The following YTHDC2 variants were observed in gnomAD, a reference collection of about 807,000 sequenced individuals.
YTHDC2 encodes the protein YTH N6-methyladenosine RNA binding protein C2.
A neutral mutation model predicts 174.9 loss-of-function variants in YTHDC2; 45 were observed. That is an observed-to-expected ratio of 0.26 (90% CI 0.20 to 0.33). The LOEUF (loss-of-function observed/expected upper bound fraction) is 0.33. YTHDC2 is among the 10% of genes least tolerant of loss of function. The probability of loss-of-function intolerance (pLI) is 1.00; values close to 1 mark genes in which losing one functional copy is unlikely to be tolerated. For synonymous variants in YTHDC2, 657 were observed against 574.5 expected (o/e 1.14, Z -2.05); for missense variants, 1,650 against 1,723.7 (o/e 0.96, Z 0.76).
intron 25 of YTHDC2, 104 bp from the exon 26 acceptor site, chr5:113,584,198 T>C: frequency 1.1e-6 from 1 of 896,918 alleles, no homozygotes; most frequent in Non-Finnish European, 1.6e-6. Flanking sequence ...ATTGGGACTT[T>C]GGATTGAAAT....
intron 4 of YTHDC2, among the ~76,000 whole-genome samples, chr5:113,532,191 A>G (rs1046025899): frequency 2.0e-5 from 3 of 152,228 alleles, no homozygotes; most frequent in Non-Finnish European, 4.4e-5. Context: ...GAAAACTGCA[A>G]ATTACGGACA....
intron 8 of YTHDC2, among the ~76,000 whole-genome samples, chr5:113,539,668 T>C (rs1006972339): frequency 2.6e-5 from 4 of 152,244 alleles, no homozygotes; most frequent in African/African-American, 9.6e-5. Context: ...TTTCAGCTTT[T>C]GAATTAGGGT....
chr5:113,549,030 T>C lies in YTHDC2; in HGVS notation c.1688+10T>C. ...TTCTAGAATCTTACAGGTAAAACTTTGTACTATTTTAAATTAATTCTACCG... is the reference window on the plus strand; with the variant it reads ...TTCTAGAATCTTACAGGTAAAACTTCGTACTATTTTAAATTAATTCTACCG... On this transcript the variant is annotated intron_variant, in intron 12 of 29. Coordinates refer to ENST00000161863, the MANE Select transcript of YTHDC2 (RefSeq NM_022828.5). 6.2e-7 allele frequency: 1 copy of C among 1,605,406 alleles called. No individual in the cohort carries two copies. The highest frequency in any genetic ancestry group is 8.5e-7 in the Non-Finnish European group (1 of 1,173,474).
At chr5:113,549,491 G>A (rs1161777981) in intron 12 of YTHDC2, among the ~76,000 whole-genome samples, 1 of 152,084 alleles carries the variant, frequency 6.6e-6, no homozygotes, top group Non-Finnish European at 1.5e-5. Context: ...TTAGAGGCTT[G>A]TTCAGTGGCC....
chr5:113,586,677 T>C (rs1778696604), intron 26 of YTHDC2, among the ~76,000 whole-genome samples: 1 of 151,210 alleles, frequency 6.6e-6, no homozygotes, highest in African/African-American at 2.4e-5. Context: ...AAGTTAATTT[T>C]CGTTTATAGT....
At chr5:113,524,288 T>C (rs533362106) in intron 2 of YTHDC2, among the ~76,000 whole-genome samples, 1 of 152,210 alleles carries the variant, frequency 6.6e-6, no homozygotes, top group African/African-American at 2.4e-5. Flanking sequence ...TACCTACTAC[T>C]CTTAGAGCCG....
At chr5:113,578,799 A>G (rs996599101) in intron 23 of YTHDC2, among the ~76,000 whole-genome samples, 1 of 152,088 alleles carries the variant, frequency 6.6e-6, no homozygotes, top group African/African-American at 2.4e-5. Context: ...TTCTTTAAGG[A>G]TATCTCTGAT....
At chr5:113,551,932 G>T (rs761058151) in intron 12 of YTHDC2, among the ~76,000 whole-genome samples, 1 of 152,084 alleles carries the variant, frequency 6.6e-6, no homozygotes, top group African/African-American at 2.4e-5. Flanking sequence ...TTACATATAA[G>T]ATGAAGAAGC....
At chr5:113,556,503 C>G (rs1016605389) in intron 17 of YTHDC2, 1 of 160,222 alleles carries the variant, frequency 6.2e-6, no homozygotes, top group Non-Finnish European at 1.4e-5. Context: ...CACAAATAGG[C>G]AATTTACCAA....
intron 9 of YTHDC2, 110 bp from the exon 10 acceptor site, chr5:113,542,258 A>G (rs961835899): frequency 1.4e-5 from 16 of 1,124,130 alleles, no homozygotes; most frequent in Non-Finnish European, 1.7e-5. Context: ...AGCATTTGCT[A>G]TATTATCATA....
At chr5:113,539,908 A>C (rs1435634626) in intron 8 of YTHDC2, among the ~76,000 whole-genome samples, 4 of 152,128 alleles carry the variant, frequency 2.6e-5, no homozygotes, top group African/African-American at 9.7e-5. Flanking sequence ...AAATTAAAAA[A>C]AAATTTTTTT....
rs964346496 is a variant in YTHDC2, at chr5:113,535,703, T to G, written c.1007T>G (p.Leu336Trp). 2.5e-6 allele frequency: 4 copies of G among 1,613,752 alleles called. No individual in the cohort carries two copies. The highest frequency in any genetic ancestry group is 2.5e-6 in the Non-Finnish European group (3 of 1,179,908). Residue 336 changes from leucine to tryptophan, a missense_variant, in exon 7 of 30, where the codon TTG (leucine) becomes TGG (tryptophan). Coordinates refer to ENST00000161863, the MANE Select transcript of YTHDC2 (RefSeq NM_022828.5). ...DFLLTKLRDL[L>W]QKHPTLKLIL... ...TTACTTACAAAGTTAAGAGATTTGT[T>G]GCAAAAGCACCCAACTTTGAAACTA...
intron 26 of YTHDC2, 74 bp downstream of exon 26, chr5:113,584,553 A>G: frequency 7.9e-7 from 1 of 1,268,414 alleles, no homozygotes; most frequent in East Asian, 2.4e-5. Flanking sequence ...ATAAAATTGT[A>G]AAACAATTAG....
chr5:113,525,632 A>G (rs890563291), intron 3 of YTHDC2, among the ~76,000 whole-genome samples: 22 of 152,088 alleles, frequency 1.4e-4, no homozygotes, highest in African/African-American at 5.1e-4. Context: ...GCCATAACAC[A>G]CTAATAAGTG....
chr5:113,535,562 C>T, intron 6 of YTHDC2, 80 bp from the exon 7 acceptor site: 2 of 1,331,208 alleles, frequency 1.5e-6, no homozygotes, highest in Non-Finnish European at 1.0e-6. Context: ...AGTGTAAAAC[C>T]CAGTGGTGCC....
intron 20 of YTHDC2, among the ~76,000 whole-genome samples, chr5:113,564,367 T>G (rs1580597276): frequency 6.6e-6 from 1 of 152,316 alleles, no homozygotes; most frequent in Non-Finnish European, 1.5e-5. Flanking sequence ...TGTATTTGTA[T>G]ATATATTTAT....
chr5:113,559,895 C>T (rs1417251627), intron 17 of YTHDC2, among the ~76,000 whole-genome samples: 1 of 152,172 alleles, frequency 6.6e-6, no homozygotes, highest in African/African-American at 2.4e-5. Context: ...AAAGCAAAAG[C>T]GGACTGGAGG....
At chr5:113,542,820 G>A (rs1030715725) in intron 10 of YTHDC2, among the ~76,000 whole-genome samples, 1 of 152,024 alleles carries the variant, frequency 6.6e-6, no homozygotes, top group Non-Finnish European at 1.5e-5. Flanking sequence ...TCCCTTCCTT[G>A]GAAAGGATTT....
At chr5:113,567,888 A>ATTT in intron 23 of YTHDC2, 39 bp downstream of exon 23, 1 of 1,152,096 alleles carries the variant, frequency 8.7e-7, no homozygotes, top group Non-Finnish European at 1.1e-6. Context: ...TTTGAAATGA[A>ATTT]TTTTTTTTTT....
Sources: gnomAD v4.1 joint callset for allele counts (sites outside exome capture counted in the v4.1 genomes callset) on GRCh38, gnomAD v4.1.1 for gene constraint, MANE v1.5 for transcripts, NCBI Gene and HGNC (gene_info 2026-07-23, HGNC 2026-07-21) for gene names.